Variants in ALLC observed in about 807,000 individuals in gnomAD.
ALLC encodes allantoicase.
ALLC carries 40 observed loss-of-function variants against 45.0 expected under a neutral mutation model. The ratio of observed to expected loss-of-function variants is 0.89; its 90% confidence interval spans 0.69 to 1.16. The LOEUF is 1.16. ALLC is among the 50% of genes most tolerant of loss of function. The pLI is 0.00. For synonymous variants in ALLC, 176 were observed against 178.1 expected (o/e 0.99, Z 0.09); for missense variants, 488 against 493.1 (o/e 0.99, Z 0.10).
At chr2:3,685,291 A>G (rs2148010881) in intron 7 of ALLC, among the ~76,000 whole-genome samples, 1 of 140,842 alleles carries the variant, frequency 7.1e-6, no homozygotes, top group East Asian at 2.3e-4. Context: ...TAAAGATACT[A>G]CCTGAGACTG....
the ALLC span, among the ~76,000 whole-genome samples, chr2:3,649,103 G>C: frequency 7.9e-5 from 12 of 152,298 alleles, no homozygotes; most frequent in Admixed American, 6.5e-4. Context: ...TAGGTTCTTG[G>C]AAATGGCAGG....
chr2:3,678,665 G>T lies in ALLC; in HGVS notation c.172+110G>T, dbSNP rs1365839681. ...GGGTCAGCTTTAACATGGGGCCCTG[G>T]AATGCTCTGTAATCTTGGATGTCCT... On this transcript the variant is annotated intron_variant, in intron 4 of 11. Transcript: ENST00000252505. The T allele has an allele frequency of 3.7e-6, 3 of 805,960 alleles. No individual in the cohort carries two copies. The Admixed American group carries it at 6.2e-5, about 17-fold the overall frequency. The allele number at this position is 805,960 out of a possible 1,614,324, so 49.9% of individuals were successfully genotyped here. A position where few individuals can be genotyped will look rare whatever the true frequency, so the allele number is the denominator to read the frequency against.
At chr2:3,656,881 C>T (rs143995673), upstream of ALLC, among the ~76,000 whole-genome samples, 497 of 149,780 alleles carry the variant, frequency 3.3e-3, 4 homozygotes, top group African/African-American at 0.012. Flanking sequence ...ATGGCTTTAT[C>T]GGTGCCACAG....
At chr2:3,682,533 G>T (rs1276664951) in intron 6 of ALLC, among the ~76,000 whole-genome samples, 2 of 152,110 alleles carry the variant, frequency 1.3e-5, no homozygotes, top group Non-Finnish European at 2.9e-5. Context: ...TTATTTGTTT[G>T]TTTATTTTTT....
intron 7 of ALLC, among the ~76,000 whole-genome samples, chr2:3,685,447 CAG>C (rs548157254): frequency 6.8e-5 from 10 of 147,946 alleles, no homozygotes; most frequent in Non-Finnish European, 7.5e-5. Context: ...GAGAGAGAGA[CAG>C]AGAGAGAGAG....
intron 7 of ALLC, among the ~76,000 whole-genome samples, chr2:3,694,434 G>T (rs1224406719): frequency 6.6e-6 from 1 of 152,212 alleles, no homozygotes; most frequent in Non-Finnish European, 1.5e-5. Flanking sequence ...GTTTAAATGA[G>T]ATGTACTCAG....
chr2:3,666,491 A>G (rs896699348), intron 1 of ALLC, among the ~76,000 whole-genome samples: 12 of 152,252 alleles, frequency 7.9e-5, no homozygotes, highest in African/African-American at 2.9e-4. Flanking sequence ...CAGGCTGCTT[A>G]GTCTGTAACC....
At chr2:3,686,434 T>G (rs1223573247) in intron 7 of ALLC, among the ~76,000 whole-genome samples, 1 of 150,958 alleles carries the variant, frequency 6.6e-6, no homozygotes, top group Non-Finnish European at 1.5e-5. Context: ...TTATTCAGGG[T>G]CTTTCATTTA....
At chr2:3,661,313 G>C (rs1433830894) in intron 1 of ALLC, among the ~76,000 whole-genome samples, 4 of 152,164 alleles carry the variant, frequency 2.6e-5, no homozygotes, top group Admixed American at 6.5e-5. Flanking sequence ...AACCATGCCA[G>C]GCATCTGACC....
At chr2:3,691,396 G>C (rs946389962) in intron 7 of ALLC, among the ~76,000 whole-genome samples, 1 of 151,662 alleles carries the variant, frequency 6.6e-6, no homozygotes, top group Non-Finnish European at 1.5e-5. Flanking sequence ...TGGGACCACT[G>C]GTGCACACCA....
intron 1 of ALLC, among the ~76,000 whole-genome samples, chr2:3,661,641 T>C (rs1219678399): frequency 6.6e-6 from 1 of 152,254 alleles, no homozygotes; most frequent in Non-Finnish European, 1.5e-5. Context: ...CAAGGGTCAT[T>C]GCCCCTCTCA....
At chr2:3,655,520 A>G (rs1666418745), upstream of ALLC, among the ~76,000 whole-genome samples, 1 of 152,208 alleles carries the variant, frequency 6.6e-6, no homozygotes, top group Non-Finnish European at 1.5e-5. Context: ...CAGTGGTGCG[A>G]TCACAGCTCA....
Position 3,694,641 on chromosome 2 carries a change from C to T in ALLC, c.512-1076C>T, listed in dbSNP as rs182254853. The T allele has an allele frequency of 1.6e-4, 25 of 152,252 alleles. No homozygotes were observed. The East Asian group carries it at 4.1e-3, about 25-fold the overall frequency. 9.4% of individuals were successfully genotyped at this position (152,252 alleles called of 1,614,324 possible). ...TGGCAGTGATATTACTCTCATAACC[C>T]GGCTCCTGCTGAATGACTCCCTCTA... On this transcript the variant is annotated intron_variant, in intron 7 of 11. Coordinates refer to ENST00000252505, the MANE Select transcript of ALLC (RefSeq NM_018436.4).
chr2:3,675,818 C>G (rs1667010887), intron 3 of ALLC, among the ~76,000 whole-genome samples: 1 of 152,218 alleles, frequency 6.6e-6, no homozygotes, highest in African/African-American at 2.4e-5. Context: ...GCTGTTGGGG[C>G]TGCTGAAGCA....
intron 6 of ALLC, 105 bp downstream of exon 6, chr2:3,681,818 C>A: frequency 2.5e-6 from 2 of 802,718 alleles, no homozygotes; most frequent in Non-Finnish European, 3.9e-6. Flanking sequence ...GGACGCCCAG[C>A]CCTGATGCTC....
the ALLC span, among the ~76,000 whole-genome samples, chr2:3,651,296 TTGGGTGGGTGGG>T: frequency 0.032 from 127 of 3,938 alleles, 24 homozygotes; most frequent in Non-Finnish European, 0.067. Flanking sequence ...GGAATTCTTT[TTGGGTGGGTGGG>T]TGGGTGGGGG....
At chr2:3,647,063 G>A in the ALLC span, among the ~76,000 whole-genome samples, 154 of 152,098 alleles carry the variant, frequency 1.0e-3, 1 homozygote, top group Admixed American at 2.4e-3. Flanking sequence ...CTCAGCCCCC[G>A]CACCCCTCAT....
At chr2:3,681,598 C>A (rs1357679459) in intron 5 of ALLC, 36 bp from the exon 6 acceptor site, 2 of 1,506,960 alleles carry the variant, frequency 1.3e-6, no homozygotes, top group Admixed American at 3.7e-5. Context: ...GATTTTGAAC[C>A]CTAATCTTAA....
At chr2:3,652,488 G>A in the ALLC span, among the ~76,000 whole-genome samples, 2 of 152,146 alleles carry the variant, frequency 1.3e-5, no homozygotes, top group Admixed American at 6.5e-5. Flanking sequence ...TTCTATGGTG[G>A]GAAGAAAATG....
Sources: gnomAD v4.1 joint callset for allele counts (sites outside exome capture counted in the v4.1 genomes callset) on GRCh38, gnomAD v4.1.1 for gene constraint, MANE v1.5 for transcripts, NCBI Gene and HGNC (gene_info 2026-07-23, HGNC 2026-07-21) for gene names.